Variants in SRPK2 observed in about 807,000 individuals in gnomAD.
SRPK2 encodes SFRS protein kinase 2.
SRPK2 carries 21 observed loss-of-function variants against 90.8 expected under a neutral mutation model. That is an observed-to-expected ratio of 0.23 (90% CI 0.16 to 0.33). SRPK2 has a LOEUF of 0.33. Ranked by LOEUF, SRPK2 falls within the 10% of genes least tolerant of loss-of-function variation. The pLI is 1.00. For missense variants in SRPK2, 620 were observed against 869.0 expected, an observed-to-expected ratio of 0.71 and a Z score of 3.60; for synonymous variants, 288 against 311.1, an observed-to-expected ratio of 0.93 and a Z score of 0.78.
At chr7:105,151,412 T>C (rs1402304186) in intron 7 of SRPK2, among the ~76,000 whole-genome samples, 1 of 152,176 alleles carries the variant, frequency 6.6e-6, no homozygotes, top group African/African-American at 2.4e-5. Context: ...GCTTTAGAAA[T>C]AATCTACGGA....
chr7:105,354,533 T>C (rs1186544569), intron 2 of SRPK2, among the ~76,000 whole-genome samples: 1 of 152,182 alleles, frequency 6.6e-6, no homozygotes, highest in Non-Finnish European at 1.5e-5. Flanking sequence ...TCAGGCAGCC[T>C]GGCACAATTT....
intron 2 of SRPK2, among the ~76,000 whole-genome samples, chr7:105,367,054 C>T (rs1819148885): frequency 6.7e-6 from 1 of 148,456 alleles, no homozygotes; most frequent in African/African-American, 2.5e-5. Flanking sequence ...AATATGAGAT[C>T]ACCTTTTTTT....
intron 15 of SRPK2, 41 bp downstream of exon 15, chr7:105,126,207 C>T: frequency 6.8e-7 from 1 of 1,473,006 alleles, no homozygotes; most frequent in Non-Finnish European, 9.5e-7. Context: ...TCTTCAGTTT[C>T]TGTCTGCATC....
intron 2 of SRPK2, among the ~76,000 whole-genome samples, chr7:105,220,363 C>T (rs543007261): frequency 6.6e-6 from 1 of 152,016 alleles, no homozygotes; most frequent in Non-Finnish European, 1.5e-5. Context: ...CCCATCTCTA[C>T]TAAAAATACA....
At chr7:105,337,318 T>C (rs986436022) in intron 2 of SRPK2, among the ~76,000 whole-genome samples, 1 of 138,058 alleles carries the variant, frequency 7.2e-6, no homozygotes, top group Non-Finnish European at 1.6e-5. Flanking sequence ...CATGAAGGGA[T>C]TTTTTTTTTT....
intron 3 of SRPK2, 105 bp from the exon 4 acceptor site, chr7:105,169,370 T>A (rs1254058477): frequency 6.3e-6 from 5 of 788,976 alleles, no homozygotes; most frequent in Non-Finnish European, 1.0e-5. Flanking sequence ...AAGCTCTACA[T>A]AATACATGCA....
chr7:105,197,393 T>A (rs1458412557), intron 3 of SRPK2, among the ~76,000 whole-genome samples: 1 of 152,180 alleles, frequency 6.6e-6, no homozygotes, highest in African/African-American at 2.4e-5. Flanking sequence ...CGGAGAACTA[T>A]GGATGATTTT....
chr7:105,294,242 A>G (rs183723373), intron 2 of SRPK2, among the ~76,000 whole-genome samples: 1 of 152,322 alleles, frequency 6.6e-6, no homozygotes, highest in Admixed American at 6.5e-5. Flanking sequence ...CCAGTTTCAC[A>G]GCACCCTCTG....
chr7:105,171,962 C>A (rs574450752), intron 3 of SRPK2, among the ~76,000 whole-genome samples: 1 of 152,144 alleles, frequency 6.6e-6, no homozygotes. Context: ...CTGGCCATCT[C>A]GGCTCACTGC....
At chr7:105,309,717 A>T (rs1811502871) in intron 2 of SRPK2, among the ~76,000 whole-genome samples, 1 of 152,174 alleles carries the variant, frequency 6.6e-6, no homozygotes, top group Non-Finnish European at 1.5e-5. Context: ...AAATATCTCC[A>T]ATTTTAAAGC....
upstream of SRPK2, among the ~76,000 whole-genome samples, chr7:105,392,839 G>T (rs767259352): frequency 2.1e-5 from 3 of 143,054 alleles, no homozygotes; most frequent in Non-Finnish European, 1.5e-5. Flanking sequence ...TTGAGAGAGG[G>T]TCTTGCTCCG....
chr7:105,264,734 A>G (rs2130222593), intron 2 of SRPK2, among the ~76,000 whole-genome samples: 1 of 152,314 alleles, frequency 6.6e-6, no homozygotes. Flanking sequence ...CCTATATAGC[A>G]CTGTTGTGAG....
At chr7:105,244,031 T>C (rs1207894582) in intron 2 of SRPK2, among the ~76,000 whole-genome samples, 1 of 152,114 alleles carries the variant, frequency 6.6e-6, no homozygotes, top group Non-Finnish European at 1.5e-5. Context: ...TGGGAACTTC[T>C]AGAAGGAAAG....
At chr7:105,225,952 C>A (rs1236063280) in intron 2 of SRPK2, among the ~76,000 whole-genome samples, 3 of 152,122 alleles carry the variant, frequency 2.0e-5, no homozygotes, top group Non-Finnish European at 4.4e-5. Flanking sequence ...CAGCCACATG[C>A]GGGGGTTAGC....
rs2132865975 is a variant in SRPK2 at position 105,388,902 on chromosome 7, A to G, written c.-96T>C. 1.6e-6 allele frequency: 2 copies of G among 1,233,786 alleles called. No individual in the cohort carries two copies. The highest frequency in any genetic ancestry group is 2.0e-6 in the Non-Finnish European group (2 of 991,452). The allele number at this position is 1,233,786 out of a possible 1,614,324, so 76.4% of individuals were successfully genotyped here. The stretch of plus-strand genomic sequence containing the variant: ...GCCTCCACTCGCTCCGCCGGCCGGG[A>G]GGAGACGAGAACCGCGCCTGCGCCG... On this transcript the variant is annotated 5_prime_UTR_variant, in exon 1 of 16. Transcript: ENST00000393651.
At position 105,331,337 on chromosome 7, in the gene SRPK2, A is replaced by AAAAAAAAAAAAAAAAAAAAAAAG. The variant is rs1554512429; in HGVS notation, c.71+57310_71+57311insCTTTTTTTTTTTTTTTTTTTTTT. Among the ~76,000 whole-genome samples, 2 of 141,940 alleles carry AAAAAAAAAAAAAAAAAAAAAAAG rather than the reference A, an allele frequency of 1.4e-5. 1 individual carries two copies. Among genetic ancestry groups the AAAAAAAAAAAAAAAAAAAAAAAG allele is most frequent in the African/African-American group, 5.4e-5 (2 of 37,184 alleles). 93.1% of individuals were successfully genotyped at this position (141,940 alleles called of 152,430 possible). ...AAAAAAAAAAAAAAAAAAAAAAAAA[A>AAAAAAAAAAAAAAAAAAAAAAAG]CAAATAGTTATTACACAATTAATCT... On this transcript the variant is annotated intron_variant, in intron 2 of 15. Transcript: ENST00000393651.
chr7:105,228,300 C>T (rs1347700136), intron 2 of SRPK2, among the ~76,000 whole-genome samples: 1 of 152,154 alleles, frequency 6.6e-6, no homozygotes, highest in East Asian at 1.9e-4. Flanking sequence ...AATTTAGATC[C>T]TTCAAATACT....
At chr7:105,166,913 C>T (rs1790139948) in intron 6 of SRPK2, among the ~76,000 whole-genome samples, 1 of 152,198 alleles carries the variant, frequency 6.6e-6, no homozygotes, top group South Asian at 2.1e-4. Flanking sequence ...TAAGAGCAGT[C>T]AAGCGCCACC....
At chr7:105,268,905 C>T in intron 2 of SRPK2, 1 of 1,564,980 alleles carries the variant, frequency 6.4e-7, no homozygotes, top group Non-Finnish European at 8.7e-7. Flanking sequence ...ACCAAGATTG[C>T]CTGCCCTTGC....
Sources: gnomAD v4.1 joint callset for allele counts (sites outside exome capture counted in the v4.1 genomes callset) on GRCh38, gnomAD v4.1.1 for gene constraint, MANE v1.5 for transcripts, NCBI Gene and HGNC (gene_info 2026-07-23, HGNC 2026-07-21) for gene names.